COQ10B: variants seen among roughly 807,000 people sequenced by gnomAD.
COQ10B encodes the protein coenzyme Q10B, also known as coenzyme Q-binding protein COQ10 homolog B, mitochondrial.
COQ10B carries 12 observed loss-of-function variants against 27.6 expected under a neutral mutation model. The ratio of observed to expected loss-of-function variants is 0.43; its 90% confidence interval spans 0.28 to 0.70. The LOEUF is 0.70. Among genes scored for constraint, COQ10B ranks in the 30% least tolerant of loss-of-function variants. The pLI is 0.17. For synonymous variants in COQ10B, 115 were observed against 103.0 expected, an observed-to-expected ratio of 1.12 and a Z score of -0.71; for missense variants, 278 against 288.7, an observed-to-expected ratio of 0.96 and a Z score of 0.27.
chr2:197,453,980 C>T (rs1187073986), intron 1 of COQ10B: 2 of 1,550,892 alleles, frequency 1.3e-6, no homozygotes, highest in Non-Finnish European at 1.7e-6. Flanking sequence ...GTTGCTACTG[C>T]TGTTGGAAAG....
Position 197,473,416 on chromosome 2 carries a change from ATATAT to A in COQ10B, c.550-340_550-336del, listed in dbSNP as rs1245010843. Among the ~76,000 whole-genome samples the A allele has an allele frequency of 7.2e-3, 367 of 51,224 alleles. 22 individuals carry two copies. Among genetic ancestry groups the A allele is most frequent in the African/African-American group, 0.021 (336 of 16,250 alleles). The allele number at this position is 51,224 out of a possible 152,430, so 33.6% of individuals were successfully genotyped here. ...GCCCCCCCCCACAAAAAAAAAAAAA[ATATAT>A]ATATATATATATATATATATACACA... On this transcript the variant is annotated intron_variant, in intron 4 of 4. Coordinates refer to ENST00000263960, the MANE Select transcript of COQ10B (RefSeq NM_025147.5).
intron 3 of COQ10B, among the ~76,000 whole-genome samples, 184 bp from the exon 4 acceptor site, chr2:197,469,886 G>A (rs1299559159): frequency 6.6e-6 from 1 of 151,828 alleles, no homozygotes; most frequent in African/African-American, 2.4e-5. Flanking sequence ...AAAAAAAAAG[G>A]CTAATATTGG....
At chr2:197,461,916 C>G (rs557116274) in intron 2 of COQ10B, among the ~76,000 whole-genome samples, 1 of 152,076 alleles carries the variant, frequency 6.6e-6, no homozygotes, top group South Asian at 2.1e-4. Flanking sequence ...GCTGGGATTA[C>G]AGGCCACCAC....
chr2:197,467,503 G>A (rs1015783579), intron 3 of COQ10B, among the ~76,000 whole-genome samples: 1 of 152,112 alleles, frequency 6.6e-6, no homozygotes, highest in African/African-American at 2.4e-5. Flanking sequence ...TCAGCCTCCT[G>A]TGTAGCTGGG....
At chr2:197,453,729 C>A in intron 1 of COQ10B, 65 bp downstream of exon 1, 1 of 1,391,534 alleles carries the variant, frequency 7.2e-7, no homozygotes, top group South Asian at 1.2e-5. Flanking sequence ...GTTGGGGGAC[C>A]GGAAGGATTT....
At chr2:197,453,743 G>A in intron 1 of COQ10B, 79 bp downstream of exon 1, 1 of 1,292,602 alleles carries the variant, frequency 7.7e-7, no homozygotes, top group South Asian at 1.2e-5. Flanking sequence ...AGGATTTGGG[G>A]GTGAGGCAGA....
intron 3 of COQ10B, among the ~76,000 whole-genome samples, chr2:197,469,552 C>T: frequency 6.6e-6 from 1 of 152,090 alleles, no homozygotes; most frequent in East Asian, 1.9e-4. Flanking sequence ...TAGATAGAGG[C>T]CTCTAGGAAT....
At chr2:197,473,415 A>AAAAAATAT (rs1229206676) in intron 4 of COQ10B, among the ~76,000 whole-genome samples, 6 of 59,508 alleles carry the variant, frequency 1.0e-4, no homozygotes, top group East Asian at 7.7e-4. Flanking sequence ...AAAAAAAAAA[A>AAAAAATAT]ATATATATAT....
intron 3 of COQ10B, among the ~76,000 whole-genome samples, chr2:197,463,811 G>A (rs1341658107): frequency 6.7e-6 from 1 of 148,174 alleles, no homozygotes; most frequent in East Asian, 2.0e-4. Context: ...GCAAGTACCT[G>A]TAATTTCAGC....
chr2:197,459,902 C>T lies in COQ10B; in HGVS notation c.105-30C>T, dbSNP rs766499967. ...TGCTTCCTTTTAATTTTTACTGTCA[C>T]TCTAAATCAGGTGATTTTTGTCTTT... is the stretch of plus-strand genomic sequence containing the variant. On this transcript the variant is annotated intron_variant, in intron 1 of 4. Coordinates refer to ENST00000263960, the MANE Select transcript of COQ10B (RefSeq NM_025147.5). The T allele has an allele frequency of 4.5e-6, 7 of 1,550,164 alleles. No individual in the cohort carries two copies. The South Asian group carries it at 7.3e-5, about 16-fold the overall frequency.
intron 3 of COQ10B, among the ~76,000 whole-genome samples, chr2:197,463,994 TATAC>T (rs879605997): frequency 0.023 from 1,151 of 50,812 alleles, 13 homozygotes; most frequent in South Asian, 0.033. Context: ...TATATATATA[TATAC>T]ACACACACAC....
intron 3 of COQ10B, among the ~76,000 whole-genome samples, chr2:197,466,051 C>T (rs188556207): frequency 4.1e-4 from 62 of 152,216 alleles, no homozygotes; most frequent in Non-Finnish European, 7.8e-4. Flanking sequence ...GAGATCGCGC[C>T]ATTGCACTCC....
At chr2:197,471,956 AGGACAAT>A (rs2085882032) in intron 4 of COQ10B, among the ~76,000 whole-genome samples, 1 of 151,380 alleles carries the variant, frequency 6.6e-6, no homozygotes, top group Non-Finnish European at 1.5e-5. Context: ...AAAAAAAAAA[AGGACAAT>A]TGGGAAAATT....
intron 3 of COQ10B, among the ~76,000 whole-genome samples, chr2:197,465,858 G>A (rs575788902): frequency 3.5e-4 from 54 of 152,226 alleles, no homozygotes; most frequent in African/African-American, 1.3e-3. Context: ...GGCTGAGGCC[G>A]AGATGGCTGC....
intron 1 of COQ10B, chr2:197,454,032 G>A: frequency 6.4e-7 from 1 of 1,551,240 alleles, no homozygotes; most frequent in Non-Finnish European, 8.7e-7. Context: ...CTGGCTGTAT[G>A]GGAGTTTGTG....
intron 1 of COQ10B, among the ~76,000 whole-genome samples, chr2:197,457,951 G>A (rs1290569566): frequency 2.0e-5 from 3 of 152,024 alleles, no homozygotes; most frequent in Non-Finnish European, 4.4e-5. Context: ...TAGTCATGTA[G>A]TATTTACCTT....
At chr2:197,471,106 A>C (rs1026419992) in intron 4 of COQ10B, among the ~76,000 whole-genome samples, 1 of 151,802 alleles carries the variant, frequency 6.6e-6, no homozygotes, top group African/African-American at 2.4e-5. Context: ...AAGGTAATAT[A>C]TTTTTTTCAT....
chr2:197,469,909 TC>T (rs1644804324), intron 3 of COQ10B, among the ~76,000 whole-genome samples, 160 bp from the exon 4 acceptor site: 2 of 152,144 alleles, frequency 1.3e-5, no homozygotes, highest in South Asian at 4.1e-4. Flanking sequence ...AGACATTACT[TC>T]CTAGTACCAA....
At chr2:197,472,901 C>T (rs1456676182) in intron 4 of COQ10B, among the ~76,000 whole-genome samples, 13 of 152,156 alleles carry the variant, frequency 8.5e-5, no homozygotes, top group East Asian at 7.7e-4. Context: ...CCTCTTCCTG[C>T]TGGTGCTTCT....
Sources: gnomAD v4.1 joint callset for allele counts (sites outside exome capture counted in the v4.1 genomes callset) on GRCh38, gnomAD v4.1.1 for gene constraint, MANE v1.5 for transcripts, NCBI Gene and HGNC (gene_info 2026-07-23, HGNC 2026-07-21) for gene names.